TEAD1: variants seen among roughly 807,000 people sequenced by gnomAD.
The protein encoded by TEAD1 is TEA domain transcription factor 1, also known as transcriptional enhancer factor TEF-1.
A neutral mutation model predicts 54.9 loss-of-function variants in TEAD1; 9 were observed. That is an observed-to-expected ratio of 0.16 (90% CI 0.10 to 0.29). The LOEUF (loss-of-function observed/expected upper bound fraction) is 0.29, where lower values mean the gene tolerates loss of function less well. Ranked by LOEUF, TEAD1 falls within the 10% of genes least tolerant of loss-of-function variation. The pLI, the probability that TEAD1 is intolerant of heterozygous loss-of-function variation, is 1.00. For synonymous variants in TEAD1, 200 were observed against 187.8 expected, an observed-to-expected ratio of 1.07 and a Z score of -0.53; for missense variants, 387 against 535.9, an observed-to-expected ratio of 0.72 and a Z score of 2.74.
At chr11:12,690,280 T>G (rs1394717768) in intron 2 of TEAD1, among the ~76,000 whole-genome samples, 1 of 151,830 alleles carries the variant, frequency 6.6e-6, no homozygotes, top group Non-Finnish European at 1.5e-5. Context: ...GCCCTTAATG[T>G]CAAATATCTA....
intron 9 of TEAD1, among the ~76,000 whole-genome samples, chr11:12,901,282 A>G (rs778878546): frequency 3.9e-5 from 6 of 152,260 alleles, no homozygotes; most frequent in Non-Finnish European, 7.4e-5. Flanking sequence ...TTGTTTTTTC[A>G]TGAATGAGTG....
chr11:12,794,500 CCT>C (rs1255283810), intron 3 of TEAD1, among the ~76,000 whole-genome samples: 1 of 152,110 alleles, frequency 6.6e-6, no homozygotes, highest in African/African-American at 2.4e-5. Flanking sequence ...TTGGAATATC[CCT>C]CTCTTTTCGA....
At chr11:12,791,451 T>C (rs1407500412) in intron 3 of TEAD1, among the ~76,000 whole-genome samples, 2 of 152,238 alleles carry the variant, frequency 1.3e-5, no homozygotes, top group South Asian at 2.1e-4. Context: ...CTGGCAGAAC[T>C]GGGATATCTC....
At chr11:12,768,772 A>C (rs1029218507) in intron 3 of TEAD1, among the ~76,000 whole-genome samples, 10 of 152,304 alleles carry the variant, frequency 6.6e-5, no homozygotes, top group Non-Finnish European at 1.3e-4. Context: ...CCCTGCCCTC[A>C]TGGAGCTATC....
intron 9 of TEAD1, among the ~76,000 whole-genome samples, chr11:12,898,093 T>C (rs1263708604): frequency 6.6e-6 from 1 of 152,196 alleles, no homozygotes; most frequent in Non-Finnish European, 1.5e-5. Flanking sequence ...ATCACATCTA[T>C]AAACAACACA....
At chr11:12,866,232 T>C (rs1947612847) in intron 5 of TEAD1, among the ~76,000 whole-genome samples, 1 of 152,224 alleles carries the variant, frequency 6.6e-6, no homozygotes, top group African/African-American at 2.4e-5. Context: ...TTTGCTCAAG[T>C]TCTGACTCTG....
chr11:12,919,079 C>G (rs1475830523), intron 10 of TEAD1, among the ~76,000 whole-genome samples: 1 of 152,160 alleles, frequency 6.6e-6, no homozygotes, highest in Non-Finnish European at 1.5e-5. Flanking sequence ...CTGTAAACTT[C>G]CAGTTTGTGT....
In TEAD1 at chr11:12,817,284, A is replaced by G. The variant is rs559137860; in HGVS notation, c.203-44966A>G. Among the ~76,000 whole-genome samples, 12 of 152,308 alleles carry G rather than the reference A, an allele frequency of 7.9e-5. No individual in the cohort carries two copies. The East Asian group carries it at 1.4e-3, about 17-fold the overall frequency. Reference sequence around the variant, plus strand: ...TCTTCTAACACCTAGAAATTAGCCAATTTTACTTTTGAAGGAGATGAGAAT... The same window carrying G: ...TCTTCTAACACCTAGAAATTAGCCAGTTTTACTTTTGAAGGAGATGAGAAT... On this transcript the variant is annotated intron_variant, in intron 3 of 12. Coordinates refer to ENST00000527636, the MANE Select transcript of TEAD1 (RefSeq NM_021961.6).
chr11:12,742,475 G>A (rs959402453), intron 2 of TEAD1, among the ~76,000 whole-genome samples: 1 of 152,112 alleles, frequency 6.6e-6, no homozygotes, highest in Admixed American at 6.6e-5. Flanking sequence ...TGATCAAAGT[G>A]TGCAAAGTTT....
intron 2 of TEAD1, among the ~76,000 whole-genome samples, chr11:12,700,927 C>G (rs567549966): frequency 2.4e-4 from 37 of 152,118 alleles, no homozygotes; most frequent in African/African-American, 8.2e-4. Flanking sequence ...CCCCTTAGCT[C>G]GCTGTGATGG....
At chr11:12,768,340 C>T (rs1004513584) in intron 3 of TEAD1, among the ~76,000 whole-genome samples, 5 of 152,308 alleles carry the variant, frequency 3.3e-5, no homozygotes, top group Admixed American at 3.3e-4. Context: ...AACACCACCA[C>T]CCCCTGCAAT....
intron 2 of TEAD1, among the ~76,000 whole-genome samples, chr11:12,739,760 T>C (rs991030974): frequency 6.6e-6 from 1 of 152,184 alleles, no homozygotes; most frequent in Non-Finnish European, 1.5e-5. Context: ...CTCCCTCTGT[T>C]ACTGATTACA....
At chr11:12,887,858 A>G (rs181696237) in intron 9 of TEAD1, among the ~76,000 whole-genome samples, 1 of 152,352 alleles carries the variant, frequency 6.6e-6, no homozygotes, top group East Asian at 1.9e-4. Flanking sequence ...AAAGTGACCA[A>G]TAATTAAAGG....
Position 12,848,106 on chromosome 11 carries a change from C to T in TEAD1, c.203-14144C>T, listed in dbSNP as rs181237064. Among the ~76,000 whole-genome samples, 365 of 152,278 alleles carry T rather than the reference C, an allele frequency of 2.4e-3. 9 individuals carry two copies. Among genetic ancestry groups the T allele is most frequent in the Non-Finnish European group, 2.6e-4 (18 of 68,020 alleles). The stretch of plus-strand genomic sequence containing the variant: ...TGTCTCAGGCCCTTCCTGAGTACAT[C>T]TATCCATCTAATCGTTCCGTCTTTG... On this transcript the variant is annotated intron_variant, in intron 3 of 12. Coordinates refer to ENST00000527636, the MANE Select transcript of TEAD1 (RefSeq NM_021961.6).
chr11:12,883,124 C>G lies in TEAD1; in HGVS notation c.698C>G (p.Ser233Trp). 1.2e-6 allele frequency: 2 copies of G among 1,614,196 alleles called. No homozygotes were observed. The highest frequency in any genetic ancestry group is 1.1e-5 in the South Asian group (1 of 91,088). The change falls in exon 9 of 13, where the codon TCG becomes TGG. Residue 233 changes from serine to tryptophan, a missense_variant and splice_region_variant. This residue lies in a region of TEAD1 where 180 missense variants were observed against 180.6 expected (regional missense o/e 1.00). Coordinates refer to ENST00000527636, the MANE Select transcript of TEAD1 (RefSeq NM_021961.6). ...CTCGAGCAGCAGCGAGACCCAGACT[C>G]GGTGAGTGTGCCCAGAGAGGTGTGT...
intron 3 of TEAD1, among the ~76,000 whole-genome samples, chr11:12,814,871 CTGTG>C (rs1007709404): frequency 1.5e-5 from 2 of 133,586 alleles, no homozygotes; most frequent in African/African-American, 2.9e-5. Context: ...GTGTGTGTGT[CTGTG>C]TGTGTGTGCA....
At chr11:12,928,465 G>A (rs1948943926) in intron 11 of TEAD1, among the ~76,000 whole-genome samples, 1 of 151,740 alleles carries the variant, frequency 6.6e-6, no homozygotes, top group Admixed American at 6.6e-5. Flanking sequence ...GTATTGTTTT[G>A]TAGAAATGTG....
chr11:12,702,029 T>A (rs1943713752), intron 2 of TEAD1, among the ~76,000 whole-genome samples: 1 of 152,182 alleles, frequency 6.6e-6, no homozygotes, highest in African/African-American at 2.4e-5. Context: ...TCTGGCTGGC[T>A]CCAGGGCCCT....
chr11:12,862,131 G>C, intron 3 of TEAD1, 119 bp from the exon 4 acceptor site: 1 of 773,194 alleles, frequency 1.3e-6, no homozygotes, highest in East Asian at 2.7e-5. Flanking sequence ...TCTAGTATTA[G>C]TAAACACATA....
Sources: allele counts gnomAD v4.1 joint callset (sites outside exome capture counted in the v4.1 genomes callset), GRCh38; gene constraint gnomAD v4.1.1; regional missense constraint gnomAD v4.1.1; transcripts MANE v1.5; gene names NCBI Gene and HGNC (gene_info 2026-07-23, HGNC 2026-07-21).